RAB27B: variants seen among roughly 807,000 people sequenced by gnomAD.
RAB27B encodes RAB27B, member RAS oncogene family, also known as ras-related protein Rab-27B.
In RAB27B, 15 loss-of-function variants were observed where a neutral mutation model predicts 24.6. The ratio of observed to expected loss-of-function variants is 0.61; its 90% CI spans 0.41 to 0.94. The LOEUF (loss-of-function observed/expected upper bound fraction) is 0.94, where lower values mean the gene tolerates loss of function less well. Among genes scored for constraint, RAB27B ranks in the 40% least tolerant of loss-of-function variants. The pLI is 0.00. For synonymous variants in RAB27B, 105 were observed against 92.5 expected, an observed-to-expected ratio of 1.14 and a Z score of -0.78; for missense variants, 261 against 266.8, an observed-to-expected ratio of 0.98 and a Z score of 0.15.
chr18:54,806,663 T>G (rs1251939505), intron 2 of RAB27B, among the ~76,000 whole-genome samples: 3 of 151,266 alleles, frequency 2.0e-5, no homozygotes, highest in Non-Finnish European at 4.4e-5. Context: ...GATGGTTAGA[T>G]TGGCTTTCAG....
intron 2 of RAB27B, among the ~76,000 whole-genome samples, chr18:54,726,818 G>A (rs1909552962): frequency 6.9e-6 from 1 of 144,548 alleles, no homozygotes; most frequent in Non-Finnish European, 1.6e-5. Context: ...CATTATGCCA[G>A]TTTTGAAATA....
At chr18:54,752,549 G>A (rs1481158825) in intron 2 of RAB27B, among the ~76,000 whole-genome samples, 1 of 152,162 alleles carries the variant, frequency 6.6e-6, no homozygotes, top group East Asian at 1.9e-4. Flanking sequence ...CACATGGTGG[G>A]GGCATTGAGG....
At chr18:54,876,941 A>T (rs114085157) in intron 1 of RAB27B, among the ~76,000 whole-genome samples, 5 of 151,946 alleles carry the variant, frequency 3.3e-5, no homozygotes, top group African/African-American at 1.2e-4. Context: ...TTTTACTTTA[A>T]GTTCTACTAT....
At chr18:54,824,873 C>T (rs978509171), upstream of RAB27B, among the ~76,000 whole-genome samples, 1 of 151,930 alleles carries the variant, frequency 6.6e-6, no homozygotes, top group Non-Finnish European at 1.5e-5. Flanking sequence ...CTGTTCACCT[C>T]TCTTTAGGCC....
At chr18:54,836,491 T>A (rs1344272575) in intron 1 of RAB27B, among the ~76,000 whole-genome samples, 1 of 151,912 alleles carries the variant, frequency 6.6e-6, no homozygotes, top group Non-Finnish European at 1.5e-5. Context: ...TGAGGTTGAT[T>A]CTTAAAATCA....
At chr18:54,809,751 A>G (rs911984375) in intron 2 of RAB27B, among the ~76,000 whole-genome samples, 2 of 152,212 alleles carry the variant, frequency 1.3e-5, no homozygotes, top group Admixed American at 6.5e-5. Flanking sequence ...CCTACATGCC[A>G]GAGACTATGT....
chr18:54,791,343 G>T (rs1402070269), intron 2 of RAB27B, among the ~76,000 whole-genome samples: 1 of 152,178 alleles, frequency 6.6e-6, no homozygotes, highest in Non-Finnish European at 1.5e-5. Context: ...GGAGGCTGAG[G>T]CTAGAGGACT....
In RAB27B at chr18:54,889,293, C is replaced by T; in HGVS notation, c.537C>T (p.Asp179=). ...AGAAAGCTGTAGAAACCCTTTTGGA[C>T]TTAATCATGAAGCGAATGGAACAGT... The part of the protein sequence containing the change: ...NVEKAVETLL[D]LIMKRMEQCV... The change falls in exon 6 of 6, where the codon GAC becomes GAT. Residue 179 remains aspartate (D), a synonymous_variant. Coordinates refer to ENST00000262094, the MANE Select transcript of RAB27B (RefSeq NM_004163.4). The T allele has an allele frequency of 1.2e-6, 2 of 1,613,416 alleles. No homozygotes were observed. Among genetic ancestry groups the T allele is most frequent in the South Asian group, 1.1e-5 (1 of 91,024 alleles).
At chr18:54,843,360 CTT>C (rs59589200) in intron 1 of RAB27B, among the ~76,000 whole-genome samples, 34,062 of 150,446 alleles carry the variant, frequency 0.23, 4,065 homozygotes, top group East Asian at 0.4. Flanking sequence ...CAATAAAACT[CTT>C]TTTTTTTTTA....
chr18:54,732,893 C>A (rs1275972862), intron 2 of RAB27B, among the ~76,000 whole-genome samples: 1 of 152,136 alleles, frequency 6.6e-6, no homozygotes, highest in Non-Finnish European at 1.5e-5. Context: ...TAAATCCCTT[C>A]CCTTAGACAA....
intron 1 of RAB27B, among the ~76,000 whole-genome samples, chr18:54,829,412 C>T (rs926531490): frequency 1.3e-5 from 2 of 152,240 alleles, no homozygotes; most frequent in African/African-American, 4.8e-5. Flanking sequence ...AGAGCCTTCA[C>T]ACCTGTATCA....
At position 54,892,049 on chromosome 18, in the gene RAB27B, T is replaced by G. The variant is rs915077654; in HGVS notation, c.*2636T>G. 1 of 152,092 alleles carries G rather than the reference T, an allele frequency of 6.6e-6. No individual in the cohort carries two copies. The highest frequency in any genetic ancestry group is 1.5e-5 in the Non-Finnish European group (1 of 67,990). The allele number at this position is 152,092 out of a possible 1,614,324, so 9.4% of individuals were successfully genotyped here. A position where few individuals can be genotyped will look rare whatever the true frequency, so the allele number is the denominator to read the frequency against. On this transcript the variant is annotated 3_prime_UTR_variant, in exon 6 of 6. Transcript: ENST00000262094. ...AATTCATTTTACAATTTCAAATTGTTCTGGTGCCATAAAGTATACAGACTA... is the reference window on the plus strand; with the variant it reads ...AATTCATTTTACAATTTCAAATTGTGCTGGTGCCATAAAGTATACAGACTA...
At chr18:54,804,892 C>CTCTCTCTCTT (rs1568072593) in intron 2 of RAB27B, among the ~76,000 whole-genome samples, 4 of 47,890 alleles carry the variant, frequency 8.4e-5, no homozygotes, top group African/African-American at 2.5e-4. Context: ...TTCTTTCTTT[C>CTCTCTCTCTT]TCTTTCTCTC....
chr18:54,730,601 T>C lies in RAB27B; in HGVS notation c.-20+12460T>C, dbSNP rs997208419. ...TTGGGTCACGGGGGTTGATGCCTCA[T>C]GAATGGCTTGGTGCCCTCCCGTGGT... On this transcript the variant is annotated intron_variant, in intron 2 of 4. Transcript: ENST00000586570. Among the ~76,000 whole-genome samples, 5 of 152,170 alleles carry C rather than the reference T, an allele frequency of 3.3e-5. No homozygotes were observed. The East Asian group carries it at 9.7e-4, about 29-fold the overall frequency.
intron 3 of RAB27B, among the ~76,000 whole-genome samples, chr18:54,883,185 G>A (rs1000524373): frequency 6.6e-6 from 1 of 152,290 alleles, no homozygotes; most frequent in Admixed American, 6.5e-5. Flanking sequence ...GTTTCCACCA[G>A]CTGGAAGTAT....
chr18:54,858,738 G>C (rs765781926), intron 1 of RAB27B, among the ~76,000 whole-genome samples: 9 of 152,056 alleles, frequency 5.9e-5, no homozygotes, highest in Non-Finnish European at 1.2e-4. Flanking sequence ...ACTGCTTGCA[G>C]TTTAGGTTAT....
chr18:54,755,177 G>A (rs1027404172), intron 2 of RAB27B, among the ~76,000 whole-genome samples: 2 of 152,126 alleles, frequency 1.3e-5, no homozygotes, highest in South Asian at 2.1e-4. Flanking sequence ...ATCACCCGAG[G>A]TCAGGAGTTC....
chr18:54,838,118 C>A (rs1910965881), intron 1 of RAB27B, among the ~76,000 whole-genome samples: 1 of 152,116 alleles, frequency 6.6e-6, no homozygotes, highest in South Asian at 2.1e-4. Flanking sequence ...TAATTAGTAG[C>A]TTTGTTCTAG....
upstream of RAB27B, among the ~76,000 whole-genome samples, chr18:54,826,098 A>G (rs1281238743): frequency 2.0e-5 from 3 of 152,256 alleles, no homozygotes; most frequent in Non-Finnish European, 2.9e-5. Flanking sequence ...ATTTAAAAAA[A>G]TTCATTTATT....
Sources: gnomAD v4.1 joint callset for allele counts (sites outside exome capture counted in the v4.1 genomes callset) on GRCh38, gnomAD v4.1.1 for gene constraint, MANE v1.5 for transcripts, NCBI Gene and HGNC (gene_info 2026-07-23, HGNC 2026-07-21) for gene names.